DCAF8: variants seen among roughly 807,000 people sequenced by gnomAD.
DCAF8 encodes DDB1- and CUL4-associated factor 8.
DCAF8 carries 20 observed loss-of-function variants against 68.0 expected under a neutral mutation model. That is an observed-to-expected ratio of 0.29 (90% CI 0.21 to 0.43). The LOEUF (loss-of-function observed/expected upper bound fraction) is 0.43, where lower values mean the gene tolerates loss of function less well. Among genes scored for constraint, DCAF8 ranks in the 20% least tolerant of loss-of-function variants. The pLI is 1.00. For missense variants in DCAF8, 460 were observed against 771.0 expected, an observed-to-expected ratio of 0.60 and a Z score of 4.78; for synonymous variants, 230 against 276.9, an observed-to-expected ratio of 0.83 and a Z score of 1.68.
intron 7 of DCAF8, 88 bp downstream of exon 7, chr1:160,231,209 T>C: frequency 2.2e-6 from 2 of 892,902 alleles, no homozygotes; most frequent in South Asian, 3.3e-5. Context: ...TCCTATAAAA[T>C]TCGTAACTCT....
chr1:160,217,268 G>T lies in DCAF8; in HGVS notation c.*324C>A. 1.1e-4 allele frequency: 20 copies of T among 181,098 alleles called. No homozygotes were observed. Among genetic ancestry groups the T allele is most frequent in the Non-Finnish European group, 1.8e-4 (16 of 88,016 alleles). 11.2% of individuals were successfully genotyped at this position (181,098 alleles called of 1,614,324 possible). On this transcript the variant is annotated 3_prime_UTR_variant, in exon 14 of 14. Coordinates refer to ENST00000368074, the MANE Select transcript of DCAF8 (RefSeq NM_015726.4). ...AGCCCAAGAAACAAGGGAGATTAAA[G>T]AAAAAGAAACCCCATTCCCTATCCC...
intron 5 of DCAF8, among the ~76,000 whole-genome samples, chr1:160,237,456 T>C (rs1655935708): frequency 6.6e-6 from 1 of 152,264 alleles, no homozygotes; most frequent in Non-Finnish European, 1.5e-5. Context: ...CAAAGGACAG[T>C]TGATTTGCTA....
At chr1:160,220,366 G>C (rs1157327114) in intron 11 of DCAF8, 1 of 151,966 alleles carries the variant, frequency 6.6e-6, no homozygotes, top group Non-Finnish European at 1.5e-5. Context: ...GAATAAGTCA[G>C]GAAAATAAAA....
At position 160,217,695 on chromosome 1, in the gene DCAF8, G is replaced by C; in HGVS notation, c.1691C>G (p.Pro564Arg). The change falls in exon 14 of 14, where the codon CCT becomes CGT. Residue 564 changes from proline (P) to arginine (R), a missense_variant. By Grantham distance (103) the Pro-to-Arg change is moderately radical (BLOSUM62 -2). Transcript: ENST00000368074. ...QRRHHRRWRE[P>R]GVGATDADSD... ...GTCCGCGTCTGTGGCCCCAACCCCAGGTTCTCGCCAGCGCTGTGGATGGGA... is the reference window on the plus strand; with the variant it reads ...GTCCGCGTCTGTGGCCCCAACCCCACGTTCTCGCCAGCGCTGTGGATGGGA... 1.2e-6 allele frequency: 2 copies of C among 1,614,074 alleles called. No homozygotes were observed. Among genetic ancestry groups the C allele is most frequent in the South Asian group, 1.1e-5 (1 of 91,058 alleles).
At chr1:160,224,039 G>A (rs1253851899) in intron 10 of DCAF8, among the ~76,000 whole-genome samples, 1 of 152,124 alleles carries the variant, frequency 6.6e-6, no homozygotes, top group Non-Finnish European at 1.5e-5. Context: ...CTCCTCTTCT[G>A]CCTCATCTAA....
intron 10 of DCAF8, among the ~76,000 whole-genome samples, chr1:160,223,427 ACTGCTAT>A (rs1371235391): frequency 6.6e-6 from 1 of 152,114 alleles, no homozygotes; most frequent in Non-Finnish European, 1.5e-5. Context: ...CTAACCTCTA[ACTGCTAT>A]CTCCAAGACA....
chr1:160,226,136 T>C (rs2101722076), intron 7 of DCAF8, among the ~76,000 whole-genome samples: 1 of 152,274 alleles, frequency 6.6e-6, no homozygotes, highest in East Asian at 1.9e-4. Flanking sequence ...GGTTTATCTC[T>C]CTCCTCAAGT....
chr1:160,228,070 A>T (rs1655538563), intron 7 of DCAF8, among the ~76,000 whole-genome samples: 1 of 141,718 alleles, frequency 7.1e-6, no homozygotes, highest in Non-Finnish European at 1.5e-5. Flanking sequence ...TTAATTAATT[A>T]AAAAATTAAA....
chr1:160,245,643 C>CA (rs1656294182), intron 2 of DCAF8, among the ~76,000 whole-genome samples: 2 of 152,198 alleles, frequency 1.3e-5, no homozygotes, highest in Middle Eastern at 3.4e-3. Flanking sequence ...ACAATGGCAA[C>CA]AAAAAACAGA....
intron 7 of DCAF8, 124 bp downstream of exon 7, chr1:160,231,173 A>C (rs1033353956): frequency 1.8e-5 from 13 of 723,516 alleles, no homozygotes; most frequent in Non-Finnish European, 3.1e-5. Context: ...AAAACGGTAA[A>C]AAATTCAAGA....
chr1:160,239,542 A>G, intron 4 of DCAF8, 155 bp downstream of exon 4: 1 of 1,551,944 alleles, frequency 6.4e-7, no homozygotes, highest in Non-Finnish European at 8.7e-7. Context: ...AGAGTCTTTC[A>G]GTGTATTTAG....
chr1:160,236,446 G>GTA lies in DCAF8; in HGVS notation c.959+687_959+688dup, dbSNP rs141525896. Among the ~76,000 whole-genome samples the GTA allele has an allele frequency of 2.0e-3, 292 of 149,686 alleles. 1 individual carries two copies. The highest frequency in any genetic ancestry group is 1.5e-3 in the Admixed American group (23 of 14,978). On this transcript the variant is annotated intron_variant, in intron 6 of 13. Coordinates refer to ENST00000368074, the MANE Select transcript of DCAF8 (RefSeq NM_015726.4). ...TGTGTGTGTGTATGTGTGTGTGTGT[G>GTA]TATATATATATATATCCTCACAGAA...
At chr1:160,227,392 G>A (rs12145552) in intron 7 of DCAF8, among the ~76,000 whole-genome samples, 62 of 152,278 alleles carry the variant, frequency 4.1e-4, no homozygotes, top group African/African-American at 1.4e-3. Context: ...AACCTGCCGC[G>A]TAGCTGGGAC....
chr1:160,233,177 G>A (rs1172427768), intron 6 of DCAF8, among the ~76,000 whole-genome samples: 1 of 152,184 alleles, frequency 6.6e-6, no homozygotes, highest in African/African-American at 2.4e-5. Context: ...TTTCTGCATA[G>A]CCAAAGTCAC....
chr1:160,227,275 T>C (rs1268874835), intron 7 of DCAF8, among the ~76,000 whole-genome samples: 2 of 152,186 alleles, frequency 1.3e-5, no homozygotes, highest in Non-Finnish European at 2.9e-5. Context: ...GGAGTAATAA[T>C]GTCAAGAGTA....
intron 2 of DCAF8, among the ~76,000 whole-genome samples, chr1:160,255,517 T>A (rs1255684273): frequency 6.6e-6 from 1 of 152,246 alleles, no homozygotes; most frequent in African/African-American, 2.4e-5. Flanking sequence ...GGATTCAAAC[T>A]ATGAATAAGG....
At position 160,238,764 on chromosome 1, in the gene DCAF8, GA is replaced by G; in HGVS notation, c.724-18del. 11 of 1,572,640 alleles carry G rather than the reference GA, an allele frequency of 7.0e-6. No individual in the cohort carries two copies. Among genetic ancestry groups the G allele is most frequent in the East Asian group, 2.3e-5 (1 of 43,786 alleles). ...AAACTTGGCCTGGGGTGTTAAAAAT[GA>G]AAAAAAGGACACACAAAAGAAATGA... On this transcript the variant is annotated intron_variant, in intron 4 of 13. Coordinates refer to ENST00000368074, the MANE Select transcript of DCAF8 (RefSeq NM_015726.4).
intron 2 of DCAF8, among the ~76,000 whole-genome samples, chr1:160,253,935 C>G (rs1310788621): frequency 6.6e-6 from 1 of 152,104 alleles, no homozygotes; most frequent in Admixed American, 6.6e-5. Context: ...ACAGCTTTTC[C>G]CCTGGAATTA....
intron 2 of DCAF8, among the ~76,000 whole-genome samples, chr1:160,256,020 T>A (rs1387693346): frequency 4.1e-5 from 6 of 145,734 alleles, no homozygotes; most frequent in African/African-American, 1.5e-4. Context: ...AACTTTTTTT[T>A]TTTTTTTTTT....
Sources: allele counts gnomAD v4.1 joint callset (sites outside exome capture counted in the v4.1 genomes callset), GRCh38; gene constraint gnomAD v4.1.1; transcripts MANE v1.5; gene names NCBI Gene and HGNC (gene_info 2026-07-23, HGNC 2026-07-21).